Variants in JAK1 observed in about 807,000 individuals in gnomAD.
JAK1 encodes Janus kinase 1, also known as tyrosine-protein kinase JAK1.
JAK1 carries 16 observed loss-of-function variants against 136.6 expected under a neutral mutation model. That is an observed-to-expected ratio of 0.12 (90% CI 0.08 to 0.18). The LOEUF is 0.18. Ranked by LOEUF, JAK1 falls within the 10% of genes least tolerant of loss-of-function variation. The probability of loss-of-function intolerance (pLI) is 1.00; values close to 1 mark genes in which losing one functional copy is unlikely to be tolerated. For synonymous variants in JAK1, 492 were observed against 519.5 expected (o/e 0.95, Z 0.72); for missense variants, 859 against 1,450.1 (o/e 0.59, Z 6.62).
chr1:64,966,578 C>T (rs1169498569), upstream of JAK1: 2 of 148,408 alleles, frequency 1.3e-5, no homozygotes, highest in Non-Finnish European at 3.0e-5. Flanking sequence ...CCGCCCCGCC[C>T]CGCGGCCGGC....
intron 2 of JAK1, among the ~76,000 whole-genome samples, chr1:65,024,660 CAAAAAAAAAAA>C (rs11349903): frequency 1.4e-5 from 1 of 69,866 alleles, no homozygotes; most frequent in African/African-American, 4.8e-5. Context: ...TGGTCCAAAG[CAAAAAAAAAAA>C]AAAAAAAAAG....
At chr1:64,927,071 G>T (rs1645595613) in intron 1 of JAK1, among the ~76,000 whole-genome samples, 1 of 152,114 alleles carries the variant, frequency 6.6e-6, no homozygotes, top group African/African-American at 2.4e-5. Flanking sequence ...CTTTGTCCAA[G>T]CTGACTCTTC....
At chr1:64,951,024 C>T (rs1009539150) in intron 1 of JAK1, among the ~76,000 whole-genome samples, 2 of 152,120 alleles carry the variant, frequency 1.3e-5, no homozygotes, top group Non-Finnish European at 2.9e-5. Context: ...GTGCTAATAA[C>T]CCTTAAACAG....
Position 64,965,673 on chromosome 1 carries a change from A to T in JAK1, c.-78+660T>A, listed in dbSNP as rs116835856. Among the ~76,000 whole-genome samples, 680 of 152,100 alleles carry T rather than the reference A, an allele frequency of 4.5e-3. 3 individuals carry two copies. Among genetic ancestry groups the T allele is most frequent in the Non-Finnish European group, 5.6e-3 (383 of 67,994 alleles). On this transcript the variant is annotated intron_variant, in intron 1 of 24. Transcript: ENST00000342505. ...GCAATTCCCCGGGTAGTTCTCTCCC[A>T]CTGTTCCCCTTCCCTGGTCCTCTCG...
intron 1 of JAK1, among the ~76,000 whole-genome samples, chr1:64,887,339 A>G (rs1490680450): frequency 2.6e-5 from 4 of 152,306 alleles, no homozygotes; most frequent in East Asian, 1.9e-4. Context: ...TCACTGCACA[A>G]AAGTTTTTTA....
At chr1:64,891,225 G>A (rs1328407019) in intron 1 of JAK1, among the ~76,000 whole-genome samples, 3 of 152,158 alleles carry the variant, frequency 2.0e-5, no homozygotes, top group Non-Finnish European at 4.4e-5. Context: ...TAAAAAGCAT[G>A]AGAGGTTTTA....
intron 1 of JAK1, among the ~76,000 whole-genome samples, chr1:64,908,036 A>C (rs184908089): frequency 1.3e-5 from 2 of 152,318 alleles, no homozygotes; most frequent in East Asian, 3.9e-4. Context: ...TCCAAAAATG[A>C]AACTGGTAAA....
chr1:64,869,245 T>C, intron 6 of JAK1, 66 bp downstream of exon 6: 2 of 1,467,628 alleles, frequency 1.4e-6, no homozygotes, highest in Non-Finnish European at 1.9e-6. Flanking sequence ...TAAGCTGAAA[T>C]GTGTAAGAAC....
chr1:64,865,413 A>C (rs946777967), intron 7 of JAK1, among the ~76,000 whole-genome samples: 1 of 152,214 alleles, frequency 6.6e-6, no homozygotes, highest in African/African-American at 2.4e-5. Context: ...ACAGTACTCA[A>C]GTCGGGATTT....
At chr1:64,932,372 C>CA (rs1645712902) in intron 1 of JAK1, among the ~76,000 whole-genome samples, 1 of 152,078 alleles carries the variant, frequency 6.6e-6, no homozygotes, top group Admixed American at 6.5e-5. Flanking sequence ...GAGATCGCGC[C>CA]ACTGTACTAC....
At chr1:65,031,155 CAAAAAA>C (rs375856684) in intron 2 of JAK1, among the ~76,000 whole-genome samples, 3 of 68,278 alleles carry the variant, frequency 4.4e-5, no homozygotes, top group South Asian at 4.7e-4. Flanking sequence ...GACCCTATCT[CAAAAAA>C]AAAAAAAAAA....
Position 64,925,772 on chromosome 1 carries a change from T to C in JAK1, c.-77-39431A>G, listed in dbSNP as rs184611560. 8.5e-5 allele frequency among the ~76,000 whole-genome samples: 13 copies of C among 152,294 alleles called. No homozygotes were observed. The East Asian group carries it at 2.1e-3, about 25-fold the overall frequency. On this transcript the variant is annotated intron_variant, in intron 1 of 24. Coordinates refer to ENST00000342505, the MANE Select transcript of JAK1 (RefSeq NM_002227.4). ...AATGAGACATGGTATAAATCCCTAC[T>C]TTACAGGGAACTAAATGAGGCCCAA...
intron 1 of JAK1, among the ~76,000 whole-genome samples, chr1:64,922,269 T>C (rs768876491): frequency 6.6e-6 from 1 of 151,956 alleles, no homozygotes; most frequent in Non-Finnish European, 1.5e-5. Flanking sequence ...TTTTTTTGCA[T>C]TGACCTGATA....
intron 1 of JAK1, among the ~76,000 whole-genome samples, chr1:64,909,010 G>A (rs1480468887): frequency 2.6e-5 from 4 of 152,184 alleles, no homozygotes; most frequent in Admixed American, 6.5e-5. Flanking sequence ...ATGAACGAAC[G>A]AACGAGCTAA....
chr1:65,001,678 T>TGG (rs112850726), intron 2 of JAK1, among the ~76,000 whole-genome samples: 106 of 96,776 alleles, frequency 1.1e-3, no homozygotes, highest in Non-Finnish European at 1.7e-3. Flanking sequence ...AGTGTGTGTG[T>TGG]GGGGGGGGGG....
chr1:64,924,868 G>A (rs1645556597), intron 1 of JAK1, among the ~76,000 whole-genome samples: 1 of 152,112 alleles, frequency 6.6e-6, no homozygotes, highest in South Asian at 2.1e-4. Flanking sequence ...AAAGCACAGA[G>A]GATTTTTAGG....
At chr1:64,838,610 T>C (rs1343685116) in intron 20 of JAK1, 21 bp from the exon 21 acceptor site, 1 of 1,610,924 alleles carries the variant, frequency 6.2e-7, no homozygotes, top group African/African-American at 1.3e-5. Context: ...AAAACATCCA[T>C]CAGTCTGAGG....
intron 1 of JAK1, chr1:65,058,546 T>C (rs1032853524): frequency 1.5e-5 from 8 of 530,834 alleles, no homozygotes; most frequent in Non-Finnish European, 2.7e-5. Context: ...GCATCCTTTC[T>C]GGTGGCTGCA....
At position 64,860,929 on chromosome 1, in the gene JAK1, C is replaced by CGTGTGT. The variant is rs577274261; in HGVS notation, c.1177-673_1177-668dup. On this transcript the variant is annotated intron_variant, in intron 8 of 24. Coordinates refer to ENST00000342505, the MANE Select transcript of JAK1 (RefSeq NM_002227.4). ...ATGCAGAGAAGCTGTCCCCTGGGTC[C>CGTGTGT]GTGTGTGTGTGTGTGTGTGTGTGTG... Among the ~76,000 whole-genome samples the CGTGTGT allele has an allele frequency of 5.2e-3, 251 of 48,386 alleles. 22 individuals are homozygous for CGTGTGT. The highest frequency in any genetic ancestry group is 6.5e-3 in the African/African-American group (64 of 9,920). 31.7% of individuals were successfully genotyped at this position (48,386 alleles called of 152,430 possible).
Sources: allele counts gnomAD v4.1 joint callset (sites outside exome capture counted in the v4.1 genomes callset), GRCh38; gene constraint gnomAD v4.1.1; transcripts MANE v1.5; gene names NCBI Gene and HGNC (gene_info 2026-07-23, HGNC 2026-07-21).